The following SLC24A2 variants were observed in gnomAD, a reference collection of about 807,000 sequenced individuals.
SLC24A2 encodes sodium/potassium/calcium exchanger 2.
In SLC24A2, 36 loss-of-function variants were observed where a neutral mutation model predicts 62.0. That is an observed-to-expected ratio of 0.58 (90% CI 0.44 to 0.77). SLC24A2 has a LOEUF of 0.77. SLC24A2 is among the 30% of genes least tolerant of loss of function. The probability of loss-of-function intolerance (pLI) is 0.00; values close to 1 mark genes in which losing one functional copy is unlikely to be tolerated. For synonymous variants in SLC24A2, 358 were observed against 294.0 expected, an observed-to-expected ratio of 1.22 and a Z score of -2.23; for missense variants, 846 against 817.9, an observed-to-expected ratio of 1.03 and a Z score of -0.42.
At chr9:19,653,542 T>G (rs1818858460) in intron 2 of SLC24A2, among the ~76,000 whole-genome samples, 1 of 152,186 alleles carries the variant, frequency 6.6e-6, no homozygotes, top group South Asian at 2.1e-4. Context: ...TCCAATAGCT[T>G]TCTTTCCAGG....
chr9:19,944,999 T>C, the SLC24A2 span, among the ~76,000 whole-genome samples: 3 of 152,188 alleles, frequency 2.0e-5, no homozygotes, highest in African/African-American at 7.2e-5. Flanking sequence ...TCTTCACACA[T>C]CTCTTTTGTG....
At chr9:19,545,012 G>C (rs370963421) in intron 8 of SLC24A2, among the ~76,000 whole-genome samples, 1 of 152,130 alleles carries the variant, frequency 6.6e-6, no homozygotes, top group Admixed American at 6.5e-5. Context: ...ATGATATCCC[G>C]AAAAGTGTTT....
chr9:19,557,430 C>T (rs1835151602), intron 7 of SLC24A2, among the ~76,000 whole-genome samples: 1 of 152,098 alleles, frequency 6.6e-6, no homozygotes, highest in South Asian at 2.1e-4. Flanking sequence ...TATCCTGGGG[C>T]AGAGGGCGAG....
chr9:20,113,964 G>A, the SLC24A2 span, among the ~76,000 whole-genome samples: 14 of 152,180 alleles, frequency 9.2e-5, no homozygotes, highest in African/African-American at 2.9e-4. Context: ...AACAAATGAG[G>A]TGAACCCTAT....
chr9:19,907,301 A>G, the SLC24A2 span, among the ~76,000 whole-genome samples: 1 of 152,236 alleles, frequency 6.6e-6, no homozygotes, highest in African/African-American at 2.4e-5. Context: ...AACACTCAAT[A>G]AATTAGGTGT....
Position 19,513,972 on chromosome 9 carries a change from T to G in SLC24A2, c.*2181A>C, listed in dbSNP as rs1038072124. ...TGGCAGGTTCCACTCAGCGCCTCTA[T>G]TGGATGGTGTTTCAATGTCTTGGAA... On this transcript the variant is annotated 3_prime_UTR_variant, in exon 11 of 11. Transcript: ENST00000341998. The G allele has an allele frequency of 6.6e-6, 1 of 152,224 alleles. No homozygotes were observed. The highest frequency in any genetic ancestry group is 1.5e-5 in the Non-Finnish European group (1 of 68,054). The allele number at this position is 152,224 out of a possible 1,614,324, so 9.4% of individuals were successfully genotyped here.
chr9:19,931,253 A>T, the SLC24A2 span, among the ~76,000 whole-genome samples: 1 of 152,232 alleles, frequency 6.6e-6, no homozygotes, highest in Non-Finnish European at 1.5e-5. Context: ...TTCAAACTGG[A>T]CTGATAATTA....
At chr9:19,610,384 A>G (rs1483246247) in intron 4 of SLC24A2, among the ~76,000 whole-genome samples, 2 of 152,148 alleles carry the variant, frequency 1.3e-5, no homozygotes, top group East Asian at 3.9e-4. Flanking sequence ...AACAATAAAC[A>G]TCTTAGCTTC....
the SLC24A2 span, among the ~76,000 whole-genome samples, chr9:20,278,753 A>G: frequency 6.6e-6 from 1 of 152,184 alleles, no homozygotes; most frequent in East Asian, 1.9e-4. Flanking sequence ...TGAGCCCTCT[A>G]AACTGCTCCA....
chr9:20,173,581 G>A, the SLC24A2 span, among the ~76,000 whole-genome samples: 1 of 151,628 alleles, frequency 6.6e-6, no homozygotes, highest in Non-Finnish European at 1.5e-5. Context: ...CCCTTTTATA[G>A]TAGCTGCAAA....
At chr9:20,092,498 G>A in the SLC24A2 span, among the ~76,000 whole-genome samples, 1 of 152,092 alleles carries the variant, frequency 6.6e-6, no homozygotes, top group Non-Finnish European at 1.5e-5. Flanking sequence ...GTGTATTAGT[G>A]TTAGGGAAGC....
chr9:20,063,218 G>T, the SLC24A2 span, among the ~76,000 whole-genome samples: 11 of 151,174 alleles, frequency 7.3e-5, no homozygotes, highest in African/African-American at 2.4e-4. Context: ...CACTATTCAC[G>T]ATAGCAAAGA....
At chr9:19,576,845 G>A (rs543800402) in intron 6 of SLC24A2, 79 bp downstream of exon 6, 116 of 1,014,970 alleles carry the variant, frequency 1.1e-4, no homozygotes, top group East Asian at 1.1e-3. Context: ...TGAGTCAGGG[G>A]TGCCCACACT....
chr9:19,646,946 T>TAG (rs1009640109), intron 2 of SLC24A2, among the ~76,000 whole-genome samples: 2 of 152,182 alleles, frequency 1.3e-5, no homozygotes, highest in African/African-American at 4.8e-5. Context: ...CATTCCCCTG[T>TAG]AGAAGTCTGC....
At chr9:20,034,682 A>T in the SLC24A2 span, among the ~76,000 whole-genome samples, 1 of 151,800 alleles carries the variant, frequency 6.6e-6, no homozygotes, top group Non-Finnish European at 1.5e-5. Flanking sequence ...GTTAGCCAGG[A>T]TGGTCTCGAT....
chr9:20,225,279 T>C, the SLC24A2 span, among the ~76,000 whole-genome samples: 1 of 151,782 alleles, frequency 6.6e-6, no homozygotes, highest in Non-Finnish European at 1.5e-5. Flanking sequence ...AGGAAACATG[T>C]ATAACAATGC....
intron 2 of SLC24A2, among the ~76,000 whole-genome samples, chr9:19,749,007 T>C (rs1367284504): frequency 6.6e-6 from 1 of 151,030 alleles, no homozygotes; most frequent in Admixed American, 6.6e-5. Context: ...ACACATTTGA[T>C]CAGCACAACC....
the SLC24A2 span, among the ~76,000 whole-genome samples, chr9:19,999,087 C>T: frequency 2.6e-5 from 4 of 152,190 alleles, no homozygotes; most frequent in African/African-American, 9.7e-5. Context: ...ATTTGTTCAT[C>T]TGTAAAATGA....
the SLC24A2 span, among the ~76,000 whole-genome samples, chr9:20,248,225 T>C: frequency 1.3e-5 from 2 of 152,224 alleles, no homozygotes; most frequent in Admixed American, 1.3e-4. Flanking sequence ...GGAACCCGTA[T>C]GGGAGCTCCC....
Sources: allele counts gnomAD v4.1 joint callset (sites outside exome capture counted in the v4.1 genomes callset), GRCh38; gene constraint gnomAD v4.1.1; transcripts MANE v1.5; gene names NCBI Gene and HGNC (gene_info 2026-07-23, HGNC 2026-07-21).